RSPH10B2: variants seen among roughly 807,000 people sequenced by gnomAD.
RSPH10B2 encodes radial spoke head 10 homolog B2.
Under a neutral mutation model 49.0 loss-of-function variants are expected in RSPH10B2, and 9 were observed. The ratio of observed to expected loss-of-function variants is 0.18; its 90% CI spans 0.11 to 0.32. The LOEUF (loss-of-function observed/expected upper bound fraction) is 0.32. RSPH10B2 is among the 10% of genes least tolerant of loss of function. The probability of loss-of-function intolerance (pLI) is 1.00; values close to 1 mark genes in which losing one functional copy is unlikely to be tolerated. For synonymous variants in RSPH10B2, 35 were observed against 210.2 expected (o/e 0.17, Z 7.21); for missense variants, 95 against 589.9 (o/e 0.16, Z 8.69).
At position 6,766,778 on chromosome 7, in the gene RSPH10B2, C is replaced by T; in HGVS notation, c.681C>T (p.Tyr227=). 11 of 441,198 alleles carry T rather than the reference C, an allele frequency of 2.5e-5. 1 individual carries two copies. Among genetic ancestry groups the T allele is most frequent in the South Asian group, 8.8e-5 (3 of 34,086 alleles). 27.3% of individuals were successfully genotyped at this position (441,198 alleles called of 1,614,324 possible). The change falls in exon 6 of 19, where the codon TAC becomes TAT. Residue 227 remains tyrosine, a synonymous_variant. Coordinates refer to ENST00000297186, the Ensembl canonical transcript of RSPH10B2. ...CTAGTTATAAATCTGGAAATATATA[C>T]GAAGGCCAGTGGGAAGACAACATGC...
chr7:6,795,561 T>G lies in RSPH10B2; in HGVS notation c.2234-1007T>G, dbSNP rs1273633873. On this transcript the variant is annotated intron_variant, in intron 17 of 18. Transcript: ENST00000297186. Reference sequence around the variant, plus strand: ...GCCGAGATGGGAGGATTACTAGAGCTCAGGAGTTTGAGACCATGGGCAACA... The same window carrying G: ...GCCGAGATGGGAGGATTACTAGAGCGCAGGAGTTTGAGACCATGGGCAACA... Among the ~76,000 whole-genome samples, 7 of 111,294 alleles carry G rather than the reference T, an allele frequency of 6.3e-5. 1 individual carries two copies. The highest frequency in any genetic ancestry group is 1.2e-4 in the Non-Finnish European group (6 of 51,398). 73.0% of individuals were successfully genotyped at this position (111,294 alleles called of 152,430 possible).
At chr7:6,793,765 AC>A (rs1179397696) in intron 17 of RSPH10B2, among the ~76,000 whole-genome samples, 1 of 145,358 alleles carries the variant, frequency 6.9e-6, no homozygotes, top group African/African-American at 2.5e-5. Flanking sequence ...AACTGCTTGA[AC>A]CCAGGAGGCA....
intron 18 of RSPH10B2, among the ~76,000 whole-genome samples, chr7:6,797,350 C>T (rs1180972011): frequency 1.6e-4 from 24 of 150,488 alleles, no homozygotes; most frequent in Admixed American, 1.3e-4. Context: ...CCTGTGGACT[C>T]TTTGGGGTAA....
chr7:6,796,342 C>T (rs1218978839), intron 17 of RSPH10B2, among the ~76,000 whole-genome samples: 1 of 124,790 alleles, frequency 8.0e-6, no homozygotes, highest in African/African-American at 2.9e-5. Flanking sequence ...AAAGAAAAAA[C>T]GAGGTAGCAG....
chr7:6,786,486 G>A lies in RSPH10B2; in HGVS notation c.1867-392G>A, dbSNP rs1389657087. ...TGGGATTACAGGCATGAGCCACCGC[G>A]CCCAGCCTTCAGCTGATTTTTTAAA... On this transcript the variant is annotated intron_variant, in intron 14 of 18. Transcript: ENST00000297186. 4.6e-5 allele frequency among the ~76,000 whole-genome samples: 5 copies of A among 107,626 alleles called. 1 individual carries two copies. The highest frequency in any genetic ancestry group is 4.7e-4 in the South Asian group (1 of 2,114). The allele number at this position is 107,626 out of a possible 152,430, so 70.6% of individuals were successfully genotyped here.
At chr7:6,777,273 T>C (rs1781785488) in intron 10 of RSPH10B2, among the ~76,000 whole-genome samples, 1 of 24,968 alleles carries the variant, frequency 4.0e-5, no homozygotes, top group Non-Finnish European at 7.0e-5. Flanking sequence ...GTTAGGCGTG[T>C]CTCGAACTCC....
At chr7:6,786,276 G>A (rs1180764962) in intron 14 of RSPH10B2, among the ~76,000 whole-genome samples, 34 of 83,220 alleles carry the variant, frequency 4.1e-4, no homozygotes, top group Non-Finnish European at 4.2e-4. Flanking sequence ...TCCGCCTCCC[G>A]GGTTCACGCC....
intron 6 of RSPH10B2, among the ~76,000 whole-genome samples, chr7:6,767,756 A>ATTT (rs1222472314): frequency 0.014 from 242 of 17,590 alleles, no homozygotes; most frequent in Middle Eastern, 0.043. Flanking sequence ...TAAAAAAATA[A>ATTT]TTTTTTTTTT....
At chr7:6,768,350 G>A (rs575360103) in intron 6 of RSPH10B2, among the ~76,000 whole-genome samples, 5 of 152,410 alleles carry the variant, frequency 3.3e-5, no homozygotes, top group African/African-American at 7.2e-5. Flanking sequence ...TCTAACCTGA[G>A]GGGTAGGTGT....
At chr7:6,756,055 T>G (rs1172201821), upstream of RSPH10B2, among the ~76,000 whole-genome samples, 2 of 150,202 alleles carry the variant, frequency 1.3e-5, no homozygotes, top group African/African-American at 5.0e-5. Context: ...GATCACGAGG[T>G]CAGGAGATCG....
intron 13 of RSPH10B2, among the ~76,000 whole-genome samples, chr7:6,782,153 A>T (rs1195001554): frequency 7.8e-6 from 1 of 128,092 alleles, no homozygotes; most frequent in Admixed American, 8.2e-5. Flanking sequence ...ACCCCAGGTG[A>T]TCCACCCGCC....
intron 4 of RSPH10B2, among the ~76,000 whole-genome samples, chr7:6,764,385 G>C (rs1204984409): frequency 6.6e-6 from 1 of 150,756 alleles, no homozygotes; most frequent in Non-Finnish European, 1.5e-5. Context: ...TTTTGAGATG[G>C]AGTCTTGCTC....
At chr7:6,785,692 G>T (rs1173025295) in intron 13 of RSPH10B2, among the ~76,000 whole-genome samples, 1 of 151,476 alleles carries the variant, frequency 6.6e-6, no homozygotes, top group Non-Finnish European at 1.5e-5. Context: ...GGACGTGGTG[G>T]TGTGTTCCTG....
chr7:6,796,193 G>A (rs1401301769), intron 17 of RSPH10B2, among the ~76,000 whole-genome samples: 16 of 118,964 alleles, frequency 1.3e-4, no homozygotes, highest in African/African-American at 5.0e-4. Flanking sequence ...GATGGCGCAC[G>A]CCTGTAGCTA....
upstream of RSPH10B2, among the ~76,000 whole-genome samples, chr7:6,756,072 T>G (rs1169321068): frequency 8.7e-5 from 13 of 150,058 alleles, no homozygotes; most frequent in South Asian, 2.1e-4. Flanking sequence ...ATCGAGACCA[T>G]CCTGGCTAAC....
At chr7:6,774,754 TG>T (rs1298382184) in intron 9 of RSPH10B2, among the ~76,000 whole-genome samples, 7,571 of 85,854 alleles carry the variant, frequency 0.088, 7 homozygotes, top group East Asian at 0.37. Context: ...TCTTTTTTTT[TG>T]TTTTTTTTTT....
rs556015709 is a variant in RSPH10B2 at position 6,792,783 on chromosome 7, C to A, written c.2233+786C>A. On this transcript the variant is annotated intron_variant, in intron 17 of 18. Coordinates refer to ENST00000297186, the Ensembl canonical transcript of RSPH10B2. Reference sequence around the variant, plus strand: ...TCCCCTTTTCTTTTCTTTTCTTTTTCTTTTTTTGAGACAGGGTTTTACTTT... The same window carrying A: ...TCCCCTTTTCTTTTCTTTTCTTTTTATTTTTTTGAGACAGGGTTTTACTTT... Among the ~76,000 whole-genome samples, 3 of 117,816 alleles carry A rather than the reference C, an allele frequency of 2.5e-5. No homozygotes were observed. In the Admixed American group the frequency reaches 2.9e-4, roughly 11 times the overall value. 77.3% of individuals were successfully genotyped at this position (117,816 alleles called of 152,430 possible).
Position 6,765,782 on chromosome 7 carries a change from GAA to G in RSPH10B2, c.651_652del (p.Ile218LysfsTer4). 6.4e-7 allele frequency: 1 copy of G among 1,573,630 alleles called. No homozygotes were observed. Among genetic ancestry groups the G allele is most frequent in the Non-Finnish European group, 8.6e-7 (1 of 1,167,786 alleles). On this transcript the variant is annotated frameshift_variant, in exon 5 of 19. Coordinates refer to ENST00000297186, the Ensembl canonical transcript of RSPH10B2. LOFTEE classifies it high-confidence loss of function. ...GTACAAAACATCAAAAAGGGCTGGG[GAA>G]TAAGATGGTAGGTATGACCACTGCC...
rs1472480119 is a variant in RSPH10B2, at chr7:6,781,351, C to T, written c.1633C>T (p.Arg545Trp). 12 of 1,256,328 alleles carry T rather than the reference C, an allele frequency of 9.6e-6. 4 individuals carry two copies. The highest frequency in any genetic ancestry group is 1.3e-5 in the Non-Finnish European group (12 of 956,470). 77.8% of individuals were successfully genotyped at this position (1,256,328 alleles called of 1,614,324 possible). A position where few individuals can be genotyped will look rare whatever the true frequency, so the allele number is the denominator to read the frequency against. ...AGGCAATTTATTCCGTGAGCAACAG[C>T]GGACGCTCTACTCTATGAGTTACAT... The change falls in exon 13 of 19, where the codon CGG becomes TGG. Residue 545 changes from arginine to tryptophan, a missense_variant. Physicochemically the swap from Arg to Trp is moderately radical, Grantham distance 101 (BLOSUM62 -3). Coordinates refer to ENST00000297186, the Ensembl canonical transcript of RSPH10B2.
Sources: allele counts gnomAD v4.1 joint callset (sites outside exome capture counted in the v4.1 genomes callset), GRCh38; gene constraint gnomAD v4.1.1; transcripts MANE v1.5; gene names NCBI Gene and HGNC (gene_info 2026-07-23, HGNC 2026-07-21).